Variants in AGTPBP1 observed in about 807,000 individuals in gnomAD.
AGTPBP1 encodes the protein ATP/GTP binding carboxypeptidase 1.
A neutral mutation model predicts 143.9 loss-of-function variants in AGTPBP1; 70 were observed. The observed-to-expected ratio is 0.49, with a 90% confidence interval of 0.40 to 0.59. The LOEUF is 0.59. Among genes scored for constraint, AGTPBP1 ranks in the 20% least tolerant of loss-of-function variants. The probability of loss-of-function intolerance (pLI) is 0.00; values close to 1 mark genes in which losing one functional copy is unlikely to be tolerated. For missense variants in AGTPBP1, 1,229 were observed against 1,464.5 expected, an observed-to-expected ratio of 0.84 and a Z score of 2.62; for synonymous variants, 463 against 500.2, an observed-to-expected ratio of 0.93 and a Z score of 0.99.
upstream of AGTPBP1, among the ~76,000 whole-genome samples, chr9:85,742,982 C>T (rs1422181957): frequency 6.6e-6 from 1 of 152,188 alleles, no homozygotes; most frequent in African/African-American, 2.4e-5. Context: ...AGGTACACCA[C>T]AGTGCTTCTT....
intron 17 of AGTPBP1, among the ~76,000 whole-genome samples, chr9:85,606,346 A>G (rs371703017): frequency 1.3e-5 from 2 of 151,924 alleles, no homozygotes; most frequent in East Asian, 1.9e-4. Flanking sequence ...TCAAACTACA[A>G]TGAGATACCA....
At chr9:85,676,379 A>T (rs966004295) in intron 6 of AGTPBP1, among the ~76,000 whole-genome samples, 15 of 152,142 alleles carry the variant, frequency 9.9e-5, no homozygotes, top group African/African-American at 3.4e-4. Context: ...AGGATTTTTT[A>T]AATGGGCAAA....
chr9:85,575,567 A>G (rs980722836), intron 24 of AGTPBP1, 92 bp from the exon 25 acceptor site: 3 of 1,050,298 alleles, frequency 2.9e-6, no homozygotes, highest in Non-Finnish European at 3.9e-6. Flanking sequence ...ATTTATAACT[A>G]TATTAATAAA....
chr9:85,773,477 G>T, the AGTPBP1 span, among the ~76,000 whole-genome samples: 1 of 150,778 alleles, frequency 6.6e-6, no homozygotes, highest in East Asian at 2.0e-4. Flanking sequence ...GGGATTACAG[G>T]TGTGCACCAC....
chr9:85,620,637 C>T (rs1408347157), intron 15 of AGTPBP1, among the ~76,000 whole-genome samples: 1 of 151,944 alleles, frequency 6.6e-6, no homozygotes, highest in Non-Finnish European at 1.5e-5. Context: ...GTGATGATAT[C>T]AGTGACAATC....
the AGTPBP1 span, among the ~76,000 whole-genome samples, chr9:85,748,997 C>CTT: frequency 0.033 from 3,120 of 95,304 alleles, 141 homozygotes; most frequent in African/African-American, 0.053. Context: ...ATCTAGTGCA[C>CTT]TTTTTTTTTT....
At chr9:85,753,506 C>A in the AGTPBP1 span, 2 of 1,539,340 alleles carry the variant, frequency 1.3e-6, no homozygotes, top group South Asian at 1.2e-5. Flanking sequence ...GTAATCCTAG[C>A]ACTTTGGGAC....
chr9:85,666,429 T>C (rs1468072807), intron 8 of AGTPBP1, among the ~76,000 whole-genome samples: 1 of 152,054 alleles, frequency 6.6e-6, no homozygotes, highest in African/African-American at 2.4e-5. Context: ...ATGTCTGAGG[T>C]TTTTAGTTAA....
chr9:85,581,544 C>T (rs2133119315), intron 23 of AGTPBP1, among the ~76,000 whole-genome samples: 1 of 152,272 alleles, frequency 6.6e-6, no homozygotes, highest in South Asian at 2.1e-4. Context: ...TCCATCCATT[C>T]AACAAATATT....
intron 25 of AGTPBP1, among the ~76,000 whole-genome samples, chr9:85,572,178 C>T (rs1034524771): frequency 6.6e-6 from 1 of 151,812 alleles, no homozygotes; most frequent in African/African-American, 2.4e-5. Context: ...AAGCGCACAC[C>T]ATCATGCTTG....
rs375377783 is a variant in AGTPBP1, at chr9:85,579,069, C to T, written c.3193G>A (p.Ala1065Thr). 4.4e-6 allele frequency: 7 copies of T among 1,607,116 alleles called. No homozygotes were observed. The highest frequency in any genetic ancestry group is 1.3e-5 in the African/African-American group (1 of 74,252). Residue 1065 changes from alanine (A) to threonine (T), a missense_variant, in exon 24 of 26, where the codon GCC becomes ACC. By Grantham distance (58) the Ala-to-Thr change is moderately conservative (BLOSUM62 0). Transcript: ENST00000357081. ...RTLPKILSHIAPAFCMSSCSF... is the reference protein window; with the variant it reads ...RTLPKILSHITPAFCMSSCSF... ...CAGCTGCTCATGCAAAATGCTGGGG[C>T]GATATGGCTCAGTATCTTAGGCAAT...
At chr9:85,798,148 T>C in the AGTPBP1 span, among the ~76,000 whole-genome samples, 1 of 151,054 alleles carries the variant, frequency 6.6e-6, no homozygotes, top group African/African-American at 2.4e-5. Context: ...GTGATCCACC[T>C]GCCTCAGCCT....
the AGTPBP1 span, among the ~76,000 whole-genome samples, chr9:85,753,757 AATAGATAGATAGATAG>A: frequency 8.7e-3 from 1,273 of 145,696 alleles, 7 homozygotes; most frequent in Non-Finnish European, 0.012. Context: ...CCTCTCAATA[AATAGATAGATAGATAG>A]ATAGATAGAT....
chr9:85,769,217 T>C, the AGTPBP1 span, among the ~76,000 whole-genome samples: 1 of 152,132 alleles, frequency 6.6e-6, no homozygotes, highest in South Asian at 2.1e-4. Flanking sequence ...TGATAGGTAC[T>C]GTGCTAGGCA....
chr9:85,681,655 T>G (rs1468571554), intron 3 of AGTPBP1, among the ~76,000 whole-genome samples: 1 of 151,686 alleles, frequency 6.6e-6, no homozygotes, highest in East Asian at 1.9e-4. Context: ...TCTTACCTCA[T>G]CTTCATGAGT....
intron 7 of AGTPBP1, among the ~76,000 whole-genome samples, chr9:85,670,008 A>T (rs546568051): frequency 3.2e-4 from 48 of 152,210 alleles, no homozygotes; most frequent in Non-Finnish European, 6.3e-4. Context: ...AGAGTTGTAG[A>T]CTATTTGGAT....
the AGTPBP1 span, chr9:85,756,376 T>C: frequency 3.0e-5 from 30 of 999,946 alleles, no homozygotes; most frequent in Admixed American, 3.9e-5. Flanking sequence ...GGGACCTTCA[T>C]ACACTGCTGG....
rs568325541 is a variant in AGTPBP1, at chr9:85,721,899, G to A, written c.-33-9333C>T. Among the ~76,000 whole-genome samples, 6 of 152,264 alleles carry A rather than the reference G, an allele frequency of 3.9e-5. No individual in the cohort carries two copies. The East Asian group carries it at 1.2e-3, about 29-fold the overall frequency. Reference sequence around the variant, plus strand: ...AAAATCTCTCAGCATTTGCTTGTCTGTAAAGGATTTTATTTCTCCTTCACT... The same window carrying A: ...AAAATCTCTCAGCATTTGCTTGTCTATAAAGGATTTTATTTCTCCTTCACT... On this transcript the variant is annotated intron_variant, in intron 1 of 25. Coordinates refer to ENST00000357081, the MANE Select transcript of AGTPBP1 (RefSeq NM_001330701.2).
chr9:85,554,943 G>T (rs537982483), intron 25 of AGTPBP1, among the ~76,000 whole-genome samples: 2 of 152,132 alleles, frequency 1.3e-5, no homozygotes, highest in African/African-American at 4.8e-5. Flanking sequence ...TCAAAGATAG[G>T]TTTAAAACTG....
Sources: gnomAD v4.1 joint callset for allele counts (sites outside exome capture counted in the v4.1 genomes callset) on GRCh38, gnomAD v4.1.1 for gene constraint, MANE v1.5 for transcripts, NCBI Gene and HGNC (gene_info 2026-07-23, HGNC 2026-07-21) for gene names.